DGLUCY: variants seen among roughly 807,000 people sequenced by gnomAD.
DGLUCY encodes D-glutamate cyclase, also known as D-glutamate cyclase, mitochondrial.
Under a neutral mutation model 58.5 loss-of-function variants are expected in DGLUCY, and 58 were observed. That is an observed-to-expected ratio of 0.99 (90% CI 0.80 to 1.23). DGLUCY has a LOEUF of 1.23. Among genes scored for constraint, DGLUCY ranks in the 50% most tolerant of loss-of-function variants. The probability of loss-of-function intolerance (pLI) is 0.00; values close to 1 mark genes in which losing one functional copy is unlikely to be tolerated. For synonymous variants in DGLUCY, 325 were observed against 314.1 expected, an observed-to-expected ratio of 1.03 and a Z score of -0.37; for missense variants, 779 against 784.7, an observed-to-expected ratio of 0.99 and a Z score of 0.09.
At chr14:91,215,894 A>G (rs1213536996) in intron 13 of DGLUCY, 2 of 541,402 alleles carry the variant, frequency 3.7e-6, no homozygotes, top group Non-Finnish European at 5.8e-6. Context: ...CATGGTGGGT[A>G]CTTCATACTG....
At chr14:91,133,903 T>C (rs10150090) in intron 1 of DGLUCY, among the ~76,000 whole-genome samples, 151,276 of 152,342 alleles carry the variant, frequency 0.99, 75,121 homozygotes, top group East Asian at 1. Flanking sequence ...TGAGGTTGAG[T>C]ATCTTTTCAT....
chr14:91,170,109 C>T lies in DGLUCY; in HGVS notation c.364C>T (p.Leu122=). 3.7e-6 allele frequency: 6 copies of T among 1,613,128 alleles called. No individual in the cohort carries two copies. Among genetic ancestry groups the T allele is most frequent in the Non-Finnish European group, 5.1e-6 (6 of 1,180,022 alleles). The part of the protein sequence containing the change: ...EQLKDMVAFF[L]GCSFSLEEAL... ...GCTGAAGGACATGGTGGCCTTCTTC[C>T]TGGGCTGCAGCTTCTCCCTGGAGGA... The change falls in exon 5 of 14, where the codon CTG becomes TTG. Residue 122 remains leucine (L), a synonymous_variant. Transcript: ENST00000256324.
intron 9 of DGLUCY, among the ~76,000 whole-genome samples, chr14:91,193,576 C>A (rs981729165): frequency 6.6e-6 from 1 of 152,208 alleles, no homozygotes; most frequent in Non-Finnish European, 1.5e-5. Flanking sequence ...TGCAGTGGCT[C>A]ACCCCTGTAA....
At chr14:91,211,586 G>A (rs1371693685) in intron 12 of DGLUCY, among the ~76,000 whole-genome samples, 1 of 152,170 alleles carries the variant, frequency 6.6e-6, no homozygotes, top group Non-Finnish European at 1.5e-5. Flanking sequence ...AGCAAAGGTA[G>A]TCTTTTCAAC....
At chr14:91,073,133 A>G (rs1437397902) in intron 1 of DGLUCY, among the ~76,000 whole-genome samples, 1 of 152,120 alleles carries the variant, frequency 6.6e-6, no homozygotes. Flanking sequence ...ATGTGGTGAA[A>G]AGGATTTTGC....
At chr14:91,223,466 G>A (rs1254326561) in intron 13 of DGLUCY, among the ~76,000 whole-genome samples, 1 of 152,156 alleles carries the variant, frequency 6.6e-6, no homozygotes, top group African/African-American at 2.4e-5. Context: ...ACAGGGAGAA[G>A]GAAGAGGAGG....
chr14:91,168,920 C>T (rs1374248701), intron 4 of DGLUCY, among the ~76,000 whole-genome samples: 1 of 152,000 alleles, frequency 6.6e-6, no homozygotes, highest in Non-Finnish European at 1.5e-5. Flanking sequence ...AACGCTGTCT[C>T]TACTAAAAAT....
At position 91,077,874 on chromosome 14, in the gene DGLUCY, GGGAA is replaced by G. The variant is rs200495361; in HGVS notation, c.-82+17188_-82+17191del. On this transcript the variant is annotated intron_variant, in intron 1 of 4. Coordinates refer to the DGLUCY transcript ENST00000521334. ...AGGAATGAAGGAAGAAAGGAAGGAA[GGGAA>G]GGAAGGAAGGAAGGAAGTTAGTTCC... Among the ~76,000 whole-genome samples the G allele has an allele frequency of 1.7e-3, 255 of 148,180 alleles. 1 individual carries two copies. Among genetic ancestry groups the G allele is most frequent in the African/African-American group, 5.7e-3 (228 of 40,172 alleles).
chr14:91,079,700 G>A (rs774207872), intron 1 of DGLUCY, among the ~76,000 whole-genome samples: 2 of 152,134 alleles, frequency 1.3e-5, no homozygotes, highest in Admixed American at 6.6e-5. Context: ...AAACAACACT[G>A]TGATGAAGAG....
At chr14:91,138,147 G>GT (rs1165628204) in intron 1 of DGLUCY, among the ~76,000 whole-genome samples, 1 of 152,156 alleles carries the variant, frequency 6.6e-6, no homozygotes. Flanking sequence ...CTAAGGTAGT[G>GT]TCCCCTGCCT....
At chr14:91,095,859 T>A (rs1016194254) in intron 1 of DGLUCY, among the ~76,000 whole-genome samples, 1 of 146,318 alleles carries the variant, frequency 6.8e-6, no homozygotes, top group Non-Finnish European at 1.5e-5. Flanking sequence ...AGACCATCAC[T>A]GCCTCAATCC....
intron 1 of DGLUCY, among the ~76,000 whole-genome samples, chr14:91,075,510 A>G (rs1175989846): frequency 6.6e-6 from 1 of 152,072 alleles, no homozygotes; most frequent in African/African-American, 2.4e-5. Flanking sequence ...CTTTCTGAAT[A>G]TATTGTATTG....
chr14:91,171,210 G>T (rs1220836241), intron 5 of DGLUCY, among the ~76,000 whole-genome samples: 1 of 152,166 alleles, frequency 6.6e-6, no homozygotes, highest in Non-Finnish European at 1.5e-5. Flanking sequence ...AAAAGGACTT[G>T]CCCAAGTCCC....
Position 91,170,706 on chromosome 14 carries a change from GTGCC to G in DGLUCY, c.456+509_456+512del, listed in dbSNP as rs552588066. 3.0e-3 allele frequency among the ~76,000 whole-genome samples: 453 copies of G among 152,234 alleles called. 4 individuals carry two copies. The highest frequency in any genetic ancestry group is 0.01 in the African/African-American group (429 of 41,530). ...ACAGCACAGCCGGCGTCTCTGGGAC[GTGCC>G]TGCTGTGCCTCTCCCAGCCCCTACT... is the stretch of plus-strand genomic sequence containing the variant. On this transcript the variant is annotated intron_variant, in intron 5 of 13. Coordinates refer to ENST00000256324, the MANE Select transcript of DGLUCY (RefSeq NM_001102368.3).
intron 10 of DGLUCY, among the ~76,000 whole-genome samples, chr14:91,197,720 G>T (rs925699852): frequency 3.3e-5 from 5 of 152,248 alleles, no homozygotes; most frequent in African/African-American, 1.2e-4. Flanking sequence ...GCATGTGCCA[G>T]AATGTCCTGC....
In DGLUCY at chr14:91,199,879, A is replaced by G. The variant is rs573345233; in HGVS notation, c.1418A>G (p.Lys473Arg). 212 of 1,614,214 alleles carry G rather than the reference A, an allele frequency of 1.3e-4. 2 individuals are homozygous for G. In the South Asian group the frequency reaches 2.2e-3, roughly 17 times the overall value. ...ATTGACGATCTTTTTCTTGCTGCGA[A>G]GAAGATTCCTGGAATCTCATCAACT... ...DPIDDLFLAAKKIPGISSTGV... is the reference protein window; with the variant it reads ...DPIDDLFLAARKIPGISSTGV... The change falls in exon 11 of 14, where the codon AAG becomes AGG. Residue 473 changes from lysine (K) to arginine (R), a missense_variant. Physicochemically the swap from Lys to Arg is conservative, Grantham distance 26. Transcript: ENST00000256324.
chr14:91,186,122 A>G (rs888887346), intron 8 of DGLUCY, among the ~76,000 whole-genome samples: 1 of 152,172 alleles, frequency 6.6e-6, no homozygotes, highest in African/African-American at 2.4e-5. Context: ...AAATCATCAT[A>G]AATGTATTTA....
At chr14:91,143,296 T>C (rs2046835030) in intron 1 of DGLUCY, among the ~76,000 whole-genome samples, 1 of 151,728 alleles carries the variant, frequency 6.6e-6, no homozygotes, top group South Asian at 2.1e-4. Context: ...GGGGTTTCAA[T>C]GTGTTAGCCA....
intron 3 of DGLUCY, among the ~76,000 whole-genome samples, chr14:91,162,756 G>T (rs933838638): frequency 6.6e-6 from 1 of 152,064 alleles, no homozygotes; most frequent in Admixed American, 6.6e-5. Flanking sequence ...AATTAGCTGA[G>T]CATGGTGGTG....
Sources: allele counts gnomAD v4.1 joint callset (sites outside exome capture counted in the v4.1 genomes callset), GRCh38; gene constraint gnomAD v4.1.1; transcripts MANE v1.5; gene names NCBI Gene and HGNC (gene_info 2026-07-23, HGNC 2026-07-21).